Variants in P2RY2 observed in about 807,000 individuals in gnomAD.
P2RY2 encodes P2Y purinoceptor 2.
For synonymous variants in P2RY2, 241 were observed against 231.9 expected (o/e 1.04, Z -0.35); for missense variants, 567 against 515.7 (o/e 1.10, Z -0.96).
In P2RY2 at chr11:73,236,180, G is replaced by A; in HGVS notation, c.*887G>A. On this transcript the variant is annotated 3_prime_UTR_variant, in exon 3 of 3. Transcript: ENST00000393597. ...AAAGTCAGGTGCAGTCCCAGTCCTT[G>A]AGATTTCCCAGTTTAGGTGATGGCC... is the stretch of plus-strand genomic sequence containing the variant. 2.0e-6 allele frequency: 2 copies of A among 1,000,262 alleles called. No individual in the cohort carries two copies. Among genetic ancestry groups the A allele is most frequent in the Non-Finnish European group, 2.4e-6 (2 of 829,976 alleles). 62.0% of individuals were successfully genotyped at this position (1,000,262 alleles called of 1,614,324 possible). A position where few individuals can be genotyped will look rare whatever the true frequency, so the allele number is the denominator to read the frequency against.
rs1233307922 is a variant in P2RY2 at position 73,238,781 on chromosome 11, G to A, written c.*3488G>A. On this transcript the variant is annotated 3_prime_UTR_variant, in exon 3 of 3. Transcript: ENST00000393597. Reference sequence around the variant, plus strand: ...TGAGTCCAGGTTCACCTGATGGCCAGAATCATGCCCTTTATAGTGCCCCAC... The same window carrying A: ...TGAGTCCAGGTTCACCTGATGGCCAAAATCATGCCCTTTATAGTGCCCCAC... Among the ~76,000 whole-genome samples the A allele has an allele frequency of 6.6e-6, 1 of 152,220 alleles. No homozygotes were observed. Among genetic ancestry groups the A allele is most frequent in the Non-Finnish European group, 1.5e-5 (1 of 68,022 alleles).
chr11:73,224,293 G>C (rs934208883), intron 1 of P2RY2, among the ~76,000 whole-genome samples: 1 of 152,324 alleles, frequency 6.6e-6, no homozygotes, highest in Non-Finnish European at 1.5e-5. Context: ...CTCCCCTCAA[G>C]CCACCAGGAT....
chr11:73,223,381 TG>T (rs1271011090), intron 1 of P2RY2, among the ~76,000 whole-genome samples: 2 of 57,386 alleles, frequency 3.5e-5, no homozygotes, highest in South Asian at 1.2e-3. Flanking sequence ...GTCCCTCTGC[TG>T]GGGAACACCT....
rs1487460618 is a variant in P2RY2 at position 73,238,729 on chromosome 11, T to C, written c.*3436T>C. On this transcript the variant is annotated 3_prime_UTR_variant, in exon 3 of 3. Transcript: ENST00000393597. ...TGAGAAGTGAGGACTTGTTCCAGGT[T>C]ATCCAGGCTGTCAGGGTGAGTCAGA... is the stretch of plus-strand genomic sequence containing the variant. Among the ~76,000 whole-genome samples the C allele has an allele frequency of 6.6e-6, 1 of 152,212 alleles. No homozygotes were observed. The highest frequency in any genetic ancestry group is 1.5e-5 in the Non-Finnish European group (1 of 68,036).
rs908712266 is a variant in P2RY2, at chr11:73,241,542, C to T, written c.*6249C>T. 6.6e-6 allele frequency: 1 copy of T among 152,270 alleles called. No individual in the cohort carries two copies. Among genetic ancestry groups the T allele is most frequent in the Non-Finnish European group, 1.5e-5 (1 of 68,072 alleles). The allele number at this position is 152,270 out of a possible 1,614,324, so 9.4% of individuals were successfully genotyped here. A position where few individuals can be genotyped will look rare whatever the true frequency, so the allele number is the denominator to read the frequency against. On this transcript the variant is annotated 3_prime_UTR_variant, in exon 3 of 3. Transcript: ENST00000393597. ...CTCAGTGACGTGTGATTTTCCTTTCCCATCCATAAACTGCGCATTTGGCAA... is the reference window on the plus strand; with the variant it reads ...CTCAGTGACGTGTGATTTTCCTTTCTCATCCATAAACTGCGCATTTGGCAA...
intron 1 of P2RY2, among the ~76,000 whole-genome samples, chr11:73,219,058 G>A (rs1565133054): frequency 6.6e-6 from 1 of 152,180 alleles, no homozygotes; most frequent in East Asian, 1.9e-4. Context: ...CCCCCAACCC[G>A]AAGGCTGCCA....
rs1346565491 is a variant in P2RY2 at position 73,237,708 on chromosome 11, G to T, written c.*2415G>T. Among the ~76,000 whole-genome samples the T allele has an allele frequency of 6.6e-6, 1 of 152,184 alleles. No individual in the cohort carries two copies. Among genetic ancestry groups the T allele is most frequent in the Non-Finnish European group, 1.5e-5 (1 of 68,020 alleles). On this transcript the variant is annotated 3_prime_UTR_variant, in exon 3 of 3. Coordinates refer to ENST00000393597, the MANE Select transcript of P2RY2 (RefSeq NM_002564.4). ...ACTGGAGACCCTGGGTGAACCAGGG[G>T]CACCTCTGGAACCCAGTTGGACTGC... is the stretch of plus-strand genomic sequence containing the variant.
rs4944832 is a variant in P2RY2 at position 73,238,127 on chromosome 11, G to A, written c.*2834G>A. 0.32 allele frequency among the ~76,000 whole-genome samples: 48,562 copies of A among 152,126 alleles called. 9,264 individuals are homozygous for A. Among genetic ancestry groups the A allele is most frequent in the South Asian group, 0.48 (2,303 of 4,820 alleles). On this transcript the variant is annotated 3_prime_UTR_variant, in exon 3 of 3. Coordinates refer to ENST00000393597, the MANE Select transcript of P2RY2 (RefSeq NM_002564.4). ...AGGTCATTCAGCAGGTCAGCGTGGC[G>A]CCTGGATGTAAGCAAGTGCCTTGGT...
In P2RY2 at chr11:73,236,227, A is replaced by G; in HGVS notation, c.*934A>G. 1.0e-6 allele frequency: 1 copy of G among 983,114 alleles called. No homozygotes were observed. The highest frequency in any genetic ancestry group is 1.2e-6 in the Non-Finnish European group (1 of 814,346). 60.9% of individuals were successfully genotyped at this position (983,114 alleles called of 1,614,324 possible). A position where few individuals can be genotyped will look rare whatever the true frequency, so the allele number is the denominator to read the frequency against. On this transcript the variant is annotated 3_prime_UTR_variant, in exon 3 of 3. Coordinates refer to ENST00000393597, the MANE Select transcript of P2RY2 (RefSeq NM_002564.4). ...GGCCAGTCATGTGCTGGTAAATGTT[A>G]AGCCATTTAACTGGAGCTCCGATTT...
intron 2 of P2RY2, among the ~76,000 whole-genome samples, chr11:73,233,205 G>T (rs1173745265): frequency 6.6e-6 from 1 of 152,206 alleles, no homozygotes; most frequent in Admixed American, 6.5e-5. Context: ...TACTTCAGGG[G>T]GATTCCCTGG....
chr11:73,235,913 T>C lies in P2RY2; in HGVS notation c.*620T>C. On this transcript the variant is annotated 3_prime_UTR_variant, in exon 3 of 3. Transcript: ENST00000393597. Reference sequence around the variant, plus strand: ...GCCAGTGTGAGGCTGTAACTTATACTAAAGGTTGTGTTGCCTGCTGAGCTG... The same window carrying C: ...GCCAGTGTGAGGCTGTAACTTATACCAAAGGTTGTGTTGCCTGCTGAGCTG... 5.0e-6 allele frequency: 5 copies of C among 1,000,422 alleles called. No homozygotes were observed. Among genetic ancestry groups the C allele is most frequent in the Non-Finnish European group, 6.0e-6 (5 of 830,082 alleles). 62.0% of individuals were successfully genotyped at this position (1,000,422 alleles called of 1,614,324 possible).
At position 73,234,834 on chromosome 11, in the gene P2RY2, G is replaced by A. The variant is rs773590520; in HGVS notation, c.675G>A (p.Leu225=). ...LVCYVLMARR[L]LKPAYGTSGG... ...GTTACGTGCTCATGGCTCGGCGACTGCTAAAGCCAGCCTACGGGACCTCGG... is the reference window on the plus strand; with the variant it reads ...GTTACGTGCTCATGGCTCGGCGACTACTAAAGCCAGCCTACGGGACCTCGG... Residue 225 remains leucine (L), a synonymous_variant, in exon 3 of 3, where the codon CTG becomes CTA. Coordinates refer to ENST00000393597, the MANE Select transcript of P2RY2 (RefSeq NM_002564.4). 6.2e-7 allele frequency: 1 copy of A among 1,611,078 alleles called. No individual in the cohort carries two copies. Among genetic ancestry groups the A allele is most frequent in the Non-Finnish European group, 8.5e-7 (1 of 1,179,968 alleles).
intron 1 of P2RY2, among the ~76,000 whole-genome samples, chr11:73,224,144 G>C (rs1392604913): frequency 6.6e-6 from 1 of 152,184 alleles, no homozygotes; most frequent in Non-Finnish European, 1.5e-5. Flanking sequence ...TCCTCAGACC[G>C]GCCCTGGTGC....
At chr11:73,233,555 T>C (rs1862521416) in intron 2 of P2RY2, among the ~76,000 whole-genome samples, 2 of 152,240 alleles carry the variant, frequency 1.3e-5, no homozygotes, top group Non-Finnish European at 2.9e-5. Flanking sequence ...CCTCAGATTC[T>C]AGAGCTCAGA....
rs1329141587 is a variant in P2RY2 at position 73,238,440 on chromosome 11, C to T, written c.*3147C>T. On this transcript the variant is annotated 3_prime_UTR_variant, in exon 3 of 3. Transcript: ENST00000393597. ...CCAGGGTACATTCCCACTTTCACCCCCTGAGGTTAGAAGAGGCCCTAAGCA... is the reference window on the plus strand; with the variant it reads ...CCAGGGTACATTCCCACTTTCACCCTCTGAGGTTAGAAGAGGCCCTAAGCA... Among the ~76,000 whole-genome samples, 1 of 152,144 alleles carries T rather than the reference C, an allele frequency of 6.6e-6. No homozygotes were observed. The highest frequency in any genetic ancestry group is 1.5e-5 in the Non-Finnish European group (1 of 68,020).
chr11:73,223,604 G>A (rs1281087955), intron 1 of P2RY2, among the ~76,000 whole-genome samples: 1 of 152,226 alleles, frequency 6.6e-6, no homozygotes, highest in African/African-American at 2.4e-5. Flanking sequence ...GCTCTGAGAA[G>A]GGGGGCTGAC....
In P2RY2 at chr11:73,235,917, G is replaced by A. The variant is rs1371123367; in HGVS notation, c.*624G>A. ...GTGTGAGGCTGTAACTTATACTAAA[G>A]GTTGTGTTGCCTGCTGAGCTGTGCC... On this transcript the variant is annotated 3_prime_UTR_variant, in exon 3 of 3. Transcript: ENST00000393597. 6.0e-6 allele frequency: 6 copies of A among 1,000,304 alleles called. No individual in the cohort carries two copies. In the African/African-American group the frequency reaches 8.7e-5, roughly 15 times the overall value. 62.0% of individuals were successfully genotyped at this position (1,000,304 alleles called of 1,614,324 possible).
At chr11:73,228,416 C>G (rs139528585) in intron 2 of P2RY2, among the ~76,000 whole-genome samples, 1 of 152,338 alleles carries the variant, frequency 6.6e-6, no homozygotes, top group Non-Finnish European at 1.5e-5. Context: ...AGCTTAACCT[C>G]TATGGCAATA....
intron 2 of P2RY2, among the ~76,000 whole-genome samples, chr11:73,232,035 G>A (rs1305336795): frequency 6.6e-6 from 1 of 152,082 alleles, no homozygotes; most frequent in East Asian, 1.9e-4. Context: ...TGGCAACAGA[G>A]GTGGACTCCG....
Sources: gnomAD v4.1 joint callset for allele counts (sites outside exome capture counted in the v4.1 genomes callset) on GRCh38, gnomAD v4.1.1 for gene constraint, MANE v1.5 for transcripts, NCBI Gene and HGNC (gene_info 2026-07-23, HGNC 2026-07-21) for gene names.